The following PPM1D variants were observed in gnomAD, a reference collection of about 807,000 sequenced individuals.
PPM1D encodes protein phosphatase, Mg2+/Mn2+ dependent 1D.
Under a neutral mutation model 58.3 loss-of-function variants are expected in PPM1D, and 52 were observed. The observed-to-expected ratio is 0.89, with a 90% CI of 0.71 to 1.12. The LOEUF is 1.12. Ranked by LOEUF, PPM1D falls within the 50% of genes most tolerant of loss-of-function variation. PPM1D has a pLI of 0.00. For missense variants in PPM1D, 564 were observed against 777.2 expected (o/e 0.73, Z 3.26); for synonymous variants, 278 against 285.1 (o/e 0.98, Z 0.25).
chr17:60,629,728 T>C (rs1000765155), intron 2 of PPM1D, among the ~76,000 whole-genome samples: 6 of 152,286 alleles, frequency 3.9e-5, no homozygotes, highest in African/African-American at 1.2e-4. Flanking sequence ...TTCTCATTAA[T>C]CTTCCTTTTA....
chr17:60,602,424 A>C (rs1393151730), intron 1 of PPM1D, among the ~76,000 whole-genome samples: 1 of 148,860 alleles, frequency 6.7e-6, no homozygotes, highest in African/African-American at 2.6e-5. Flanking sequence ...ATTAGTATTA[A>C]ATTTTTTTTT....
chr17:60,600,820 G>T lies in PPM1D; in HGVS notation c.406G>T (p.Ala136Ser). The T allele has an allele frequency of 1.2e-6, 2 of 1,613,086 alleles. No homozygotes were observed. Among genetic ancestry groups the T allele is most frequent in the South Asian group, 2.2e-5 (2 of 91,090 alleles). Reference protein sequence around the residue: ...KQKGFTSSEPAKVCAAIRKGF... With the variant: ...KQKGFTSSEPSKVCAAIRKGF... ...GAAGGGTTTCACCTCGTCCGAGCCG[G>T]CTAAGGTTTGCGCTGCCATCCGCAA... is the stretch of plus-strand genomic sequence containing the variant. The change falls in exon 1 of 6, where the codon GCT (alanine) becomes TCT (serine). Residue 136 changes from alanine (A) to serine (S), a missense_variant. Around this residue, in one of 7 missense-constraint regions of PPM1D, gnomAD observed 23 missense variants for 28.9 expected, o/e 0.80. Coordinates refer to ENST00000305921, the MANE Select transcript of PPM1D (RefSeq NM_003620.4).
chr17:60,630,673 A>C (rs550214291), intron 2 of PPM1D, among the ~76,000 whole-genome samples: 4 of 152,198 alleles, frequency 2.6e-5, no homozygotes, highest in Admixed American at 6.5e-5. Context: ...TGAAACTTCT[A>C]TGTTTTAACC....
rs574832105 is a variant in PPM1D, at chr17:60,634,347, G to A, written c.826+370G>A. ...GAATTGCTTGAAAGCAGGAGGCAGA[G>A]GTTGCAGTGATCGCATCACTGCACT... On this transcript the variant is annotated intron_variant, in intron 3 of 5. Coordinates refer to ENST00000305921, the MANE Select transcript of PPM1D (RefSeq NM_003620.4). Among the ~76,000 whole-genome samples the A allele has an allele frequency of 1.6e-4, 24 of 152,280 alleles. 1 individual carries two copies. The South Asian group carries it at 5.0e-3, about 32-fold the overall frequency.
At chr17:60,651,705 A>G (rs950351564) in intron 4 of PPM1D, among the ~76,000 whole-genome samples, 1 of 152,060 alleles carries the variant, frequency 6.6e-6, no homozygotes, top group African/African-American at 2.4e-5. Flanking sequence ...CACCACGCCC[A>G]GCCGACAGTG....
intron 1 of PPM1D, among the ~76,000 whole-genome samples, chr17:60,607,392 C>T: frequency 6.6e-6 from 1 of 152,192 alleles, no homozygotes; most frequent in East Asian, 1.9e-4. Flanking sequence ...AAGCGATTCT[C>T]CTGCCTCAGC....
At position 60,656,757 on chromosome 17, in the gene PPM1D, C is replaced by T. The variant is rs1381172166; in HGVS notation, c.1176C>T (p.Tyr392=). ...ACTTTACCAATGAAGATGAGTTATA[C>T]CTGAACCTGACTGACAGCCCTTCCT... The part of the protein sequence containing the change: ...QGNFTNEDEL[Y]LNLTDSPSYN... Residue 392 remains tyrosine (Y), a synonymous_variant, in exon 5 of 6, where the codon TAC becomes TAT. Transcript: ENST00000305921. The T allele has an allele frequency of 6.2e-7, 1 of 1,614,188 alleles. No homozygotes were observed. The highest frequency in any genetic ancestry group is 1.1e-5 in the South Asian group (1 of 91,086).
At chr17:60,624,182 A>T (rs2030758689) in intron 2 of PPM1D, among the ~76,000 whole-genome samples, 1 of 152,166 alleles carries the variant, frequency 6.6e-6, no homozygotes, top group Non-Finnish European at 1.5e-5. Context: ...CTTTGTTTGA[A>T]CTTAGCGTTT....
intron 1 of PPM1D, among the ~76,000 whole-genome samples, chr17:60,619,909 T>C (rs552492587): frequency 6.6e-6 from 1 of 152,242 alleles, no homozygotes; most frequent in Non-Finnish European, 1.5e-5. Context: ...TCTGTTCATA[T>C]ACTTGTTGCC....
At chr17:60,642,921 G>A (rs1402675089) in intron 3 of PPM1D, among the ~76,000 whole-genome samples, 1 of 151,776 alleles carries the variant, frequency 6.6e-6, no homozygotes, top group African/African-American at 2.4e-5. Context: ...CAAAAACTTA[G>A]CCAGGCATGG....
chr17:60,600,325 A>G lies in PPM1D; in HGVS notation c.-90A>G. ...CCCCTTCTCGGCGTCGTCGAAGATA[A>G]ACAATAGTTGGCCGGCGAGCGCCTA... On this transcript the variant is annotated 5_prime_UTR_variant, in exon 1 of 6. Coordinates refer to ENST00000305921, the MANE Select transcript of PPM1D (RefSeq NM_003620.4). The G allele has an allele frequency of 6.7e-7, 1 of 1,492,280 alleles. No homozygotes were observed. The allele number at this position is 1,492,280 out of a possible 1,614,324, so 92.4% of individuals were successfully genotyped here.
At chr17:60,647,009 A>G (rs1163543513) in intron 3 of PPM1D, among the ~76,000 whole-genome samples, 1 of 152,222 alleles carries the variant, frequency 6.6e-6, no homozygotes, top group Non-Finnish European at 1.5e-5. Context: ...AAGTTTGCAA[A>G]CAGCCATTGG....
chr17:60,600,968 C>T (rs144763043), intron 1 of PPM1D, 82 bp downstream of exon 1: 3 of 1,578,736 alleles, frequency 1.9e-6, no homozygotes, highest in African/African-American at 1.4e-5. Context: ...CGTGGGCCCC[C>T]GGCACCCAGA....
intron 1 of PPM1D, among the ~76,000 whole-genome samples, chr17:60,622,526 C>G (rs1263315481): frequency 1.3e-5 from 2 of 152,088 alleles, no homozygotes; most frequent in Non-Finnish European, 2.9e-5. Flanking sequence ...TTTAATTAAA[C>G]AGTATAGGGT....
At chr17:60,605,018 C>T (rs1016920733) in intron 1 of PPM1D, among the ~76,000 whole-genome samples, 6 of 152,164 alleles carry the variant, frequency 3.9e-5, no homozygotes, top group African/African-American at 4.8e-5. Flanking sequence ...GATGGGGTTT[C>T]GCCATGTTGG....
At chr17:60,649,004 A>T (rs1484791227) in intron 4 of PPM1D, among the ~76,000 whole-genome samples, 2 of 149,696 alleles carry the variant, frequency 1.3e-5, no homozygotes, top group Non-Finnish European at 3.0e-5. Context: ...ACCTGAGGTG[A>T]TGCCTCAGCC....
chr17:60,645,456 ATGTG>A lies in PPM1D; in HGVS notation c.827-2402_827-2399del, dbSNP rs371276467. 7.0e-3 allele frequency among the ~76,000 whole-genome samples: 873 copies of A among 123,916 alleles called. 7 individuals are homozygous for A. Among genetic ancestry groups the A allele is most frequent in the African/African-American group, 0.013 (413 of 32,016 alleles). The allele number at this position is 123,916 out of a possible 152,430, so 81.3% of individuals were successfully genotyped here. A position where few individuals can be genotyped will look rare whatever the true frequency, so the allele number is the denominator to read the frequency against. The stretch of plus-strand genomic sequence containing the variant: ...TTCACCAAAGCAATGTAAAATATAT[ATGTG>A]TGTGTGTGTGTGTGTGTGTGTGTGT... On this transcript the variant is annotated intron_variant, in intron 3 of 5. Coordinates refer to ENST00000305921, the MANE Select transcript of PPM1D (RefSeq NM_003620.4).
At chr17:60,630,282 A>G (rs963085698) in intron 2 of PPM1D, among the ~76,000 whole-genome samples, 3 of 152,072 alleles carry the variant, frequency 2.0e-5, no homozygotes, top group South Asian at 2.1e-4. Flanking sequence ...ACCTTTCTTG[A>G]CTATTCTTTC....
intron 4 of PPM1D, among the ~76,000 whole-genome samples, chr17:60,653,004 A>G (rs1027206480): frequency 2.0e-5 from 3 of 151,668 alleles, no homozygotes; most frequent in Admixed American, 6.6e-5. Context: ...TTTAGCTTGT[A>G]TTTTCATTTG....
Sources: gnomAD v4.1 joint callset for allele counts (sites outside exome capture counted in the v4.1 genomes callset) on GRCh38, gnomAD v4.1.1 for gene constraint, gnomAD v4.1.1 regional missense constraint, MANE v1.5 for transcripts, NCBI Gene and HGNC (gene_info 2026-07-23, HGNC 2026-07-21) for gene names.